The following USP12 variants were observed in gnomAD, a reference collection of about 807,000 sequenced individuals.
USP12 encodes the protein ubiquitin specific peptidase 12.
In USP12, 19 loss-of-function variants were observed where a neutral mutation model predicts 45.5. The observed-to-expected ratio is 0.42, with a 90% confidence interval of 0.29 to 0.61. USP12 has a LOEUF of 0.61. Ranked by LOEUF, USP12 falls within the 20% of genes least tolerant of loss-of-function variation. The pLI is 0.22. For missense variants in USP12, 242 were observed against 447.7 expected, an observed-to-expected ratio of 0.54 and a Z score of 4.15; for synonymous variants, 149 against 148.8, an observed-to-expected ratio of 1.00 and a Z score of -0.01.
intron 1 of USP12, among the ~76,000 whole-genome samples, chr13:27,123,867 C>T (rs766106094): frequency 1.2e-4 from 18 of 152,174 alleles, no homozygotes; most frequent in Non-Finnish European, 1.8e-4. Flanking sequence ...GGCAATGGGG[C>T]AAGTATCTCC....
intron 1 of USP12, chr13:27,170,411 T>C (rs890581832): frequency 1.0e-4 from 40 of 398,324 alleles, no homozygotes; most frequent in African/African-American, 3.7e-4. Flanking sequence ...GTTGCATAAA[T>C]AGGGCCAGTG....
At chr13:27,125,532 C>T (rs1036069906) in intron 1 of USP12, among the ~76,000 whole-genome samples, 19 of 152,150 alleles carry the variant, frequency 1.2e-4, no homozygotes, top group African/African-American at 4.6e-4. Flanking sequence ...CAGCTCCCTG[C>T]GAGATCGATG....
At chr13:27,161,892 A>T (rs1878124320) in intron 1 of USP12, among the ~76,000 whole-genome samples, 1 of 120,244 alleles carries the variant, frequency 8.3e-6, no homozygotes, top group Admixed American at 9.6e-5. Flanking sequence ...AAAAAATAAA[A>T]AAAAATAAAA....
intron 1 of USP12, among the ~76,000 whole-genome samples, chr13:27,120,181 A>G (rs1389925149): frequency 6.6e-6 from 1 of 152,248 alleles, no homozygotes; most frequent in Non-Finnish European, 1.5e-5. Flanking sequence ...ATTCTATTAC[A>G]TCACATAATG....
rs17519439 is a variant in USP12 at position 27,068,998 on chromosome 13, C to T, written c.*285G>A. 7 of 418,514 alleles carry T rather than the reference C, an allele frequency of 1.7e-5. No homozygotes were observed. The highest frequency in any genetic ancestry group is 4.1e-5 in the Admixed American group (1 of 24,330). The allele number at this position is 418,514 out of a possible 1,614,324, so 25.9% of individuals were successfully genotyped here. On this transcript the variant is annotated 3_prime_UTR_variant, in exon 9 of 9. Transcript: ENST00000282344. ...TGGTGCAATTAATAAAGAGAAAATGCGTGCCAATGACTGGAAGGCTGTTTT... is the reference window on the plus strand; with the variant it reads ...TGGTGCAATTAATAAAGAGAAAATGTGTGCCAATGACTGGAAGGCTGTTTT...
chr13:27,120,026 T>C lies in USP12; in HGVS notation c.49-3430A>G, dbSNP rs866458740. Among the ~76,000 whole-genome samples, 15 of 152,238 alleles carry C rather than the reference T, an allele frequency of 9.9e-5. No individual in the cohort carries two copies. The South Asian group carries it at 1.7e-3, about 17-fold the overall frequency. ...AAGATTATACTAAGCAACTGGTTTC[T>C]GCTAAGTTGTTTTTAAATTTAACAG... On this transcript the variant is annotated intron_variant, in intron 1 of 8. Transcript: ENST00000282344.
rs1227130683 is a variant in USP12 at position 27,129,011 on chromosome 13, A to C, written c.49-12415T>G. Reference sequence around the variant, plus strand: ...ACGGAGTTCATACTCCAGATTCCATATGCAGACTCTGACTCACCCTAATAA... The same window carrying C: ...ACGGAGTTCATACTCCAGATTCCATCTGCAGACTCTGACTCACCCTAATAA... On this transcript the variant is annotated intron_variant, in intron 1 of 8. Coordinates refer to ENST00000282344, the MANE Select transcript of USP12 (RefSeq NM_182488.4). This position sits in a 1 kb window ranked among gnomAD's most constrained non-coding sequence, Gnocchi z 4.0. Among the ~76,000 whole-genome samples the C allele has an allele frequency of 1.3e-5, 2 of 152,238 alleles. No homozygotes were observed. The highest frequency in any genetic ancestry group is 2.9e-5 in the Non-Finnish European group (2 of 68,040).
chr13:27,083,423 G>C (rs1873855022), intron 6 of USP12, among the ~76,000 whole-genome samples: 1 of 151,994 alleles, frequency 6.6e-6, no homozygotes, highest in Non-Finnish European at 1.5e-5. Context: ...TGTTCTCTAA[G>C]ACCTGAGCCT....
chr13:27,141,364 G>A (rs1349234821), intron 1 of USP12, among the ~76,000 whole-genome samples: 7 of 152,092 alleles, frequency 4.6e-5, no homozygotes, highest in South Asian at 4.1e-4. Flanking sequence ...TAAAAGGAAC[G>A]TATGATTAAA....
chr13:27,157,964 C>T (rs964954970), intron 1 of USP12, among the ~76,000 whole-genome samples: 1 of 152,196 alleles, frequency 6.6e-6, no homozygotes, highest in Non-Finnish European at 1.5e-5. Flanking sequence ...AGCACATAAC[C>T]CAACTTAATG....
chr13:27,162,982 G>T (rs1878178060), intron 1 of USP12: 1 of 151,972 alleles, frequency 6.6e-6, no homozygotes, highest in Non-Finnish European at 1.5e-5. Flanking sequence ...TTCCAATAGT[G>T]GTTGTTTAGT....
chr13:27,103,607 A>AAAAAAT lies in USP12; in HGVS notation c.343+2123_343+2124insATTTTT, dbSNP rs372985958. On this transcript the variant is annotated intron_variant, in intron 3 of 8. Coordinates refer to ENST00000282344, the MANE Select transcript of USP12 (RefSeq NM_182488.4). ...GTAACTATTGAACTATCAAAAAAAA[A>AAAAAAT]AATAATAATAATAATAATAATAAGG... Among the ~76,000 whole-genome samples, 486 of 128,494 alleles carry AAAAAAT rather than the reference A, an allele frequency of 3.8e-3. 4 individuals carry two copies. The highest frequency in any genetic ancestry group is 0.011 in the African/African-American group (380 of 34,042). The allele number at this position is 128,494 out of a possible 152,430, so 84.3% of individuals were successfully genotyped here.
At chr13:27,116,030 T>C (rs192605701) in intron 2 of USP12, among the ~76,000 whole-genome samples, 50 of 152,280 alleles carry the variant, frequency 3.3e-4, no homozygotes, top group African/African-American at 1.2e-3. Context: ...GTCAGGCAAC[T>C]GGCTGGGTGT....
intron 6 of USP12, among the ~76,000 whole-genome samples, chr13:27,085,728 A>G (rs1262040299): frequency 6.6e-6 from 1 of 152,046 alleles, no homozygotes; most frequent in African/African-American, 2.4e-5. Context: ...TTATCCTACA[A>G]AGTGTCCAAA....
intron 3 of USP12, among the ~76,000 whole-genome samples, chr13:27,102,311 G>A (rs1803292789): frequency 6.6e-6 from 1 of 152,218 alleles, no homozygotes; most frequent in Non-Finnish European, 1.5e-5. Flanking sequence ...GTAAAGAGAG[G>A]ACTCCATTTC....
chr13:27,078,895 C>T (rs1042736713), intron 6 of USP12, among the ~76,000 whole-genome samples: 18 of 151,968 alleles, frequency 1.2e-4, no homozygotes, highest in African/African-American at 4.4e-4. Context: ...CTGCACTATA[C>T]ACATTCTTCT....
At chr13:27,090,002 A>T (rs41300570) in intron 5 of USP12, 36 bp from the exon 6 acceptor site, 71,726 of 1,594,824 alleles carry the variant, frequency 0.045, 1,816 homozygotes, top group Admixed American at 0.1. Flanking sequence ...TTTTGTAGAT[A>T]CCAGGAAATC....
rs1208419711 is a variant in USP12 at position 27,152,859 on chromosome 13, GTGAACCTGGGA to G, written c.48+18722_48+18732del. On this transcript the variant is annotated intron_variant, in intron 1 of 8. Transcript: ENST00000282344. ...CAGGAGGCTGAGGCAGGACAATGGCGTGAACCTGGGAGGCGGAGCTTGCAGTGAGTGGATAT... is the reference window on the plus strand; with the variant it reads ...CAGGAGGCTGAGGCAGGACAATGGCGGGCGGAGCTTGCAGTGAGTGGATAT... Among the ~76,000 whole-genome samples the G allele has an allele frequency of 1.2e-3, 182 of 150,770 alleles. 1 individual carries two copies. The highest frequency in any genetic ancestry group is 4.2e-3 in the African/African-American group (172 of 41,016).
At chr13:27,139,139 A>T (rs1876939734) in intron 1 of USP12, among the ~76,000 whole-genome samples, 1 of 152,250 alleles carries the variant, frequency 6.6e-6, no homozygotes, top group Admixed American at 6.5e-5. Flanking sequence ...AACCAGTTCA[A>T]CATACAGATC....
Sources: gnomAD v4.1 joint callset for allele counts (sites outside exome capture counted in the v4.1 genomes callset) on GRCh38, gnomAD v4.1.1 for gene constraint, Gnocchi (gnomAD v3.1) non-coding constraint, MANE v1.5 for transcripts, NCBI Gene and HGNC (gene_info 2026-07-23, HGNC 2026-07-21) for gene names.